SECISBP2L: variants seen among roughly 807,000 people sequenced by gnomAD.
The protein encoded by SECISBP2L is SECIS binding protein 2 like, also known as selenocysteine insertion sequence-binding protein 2-like.
Under a neutral mutation model 114.7 loss-of-function variants are expected in SECISBP2L, and 43 were observed. That is an observed-to-expected ratio of 0.38 (90% CI 0.29 to 0.48). SECISBP2L has a LOEUF of 0.48. Among genes scored for constraint, SECISBP2L ranks in the 20% least tolerant of loss-of-function variants. The pLI is 0.98. For missense variants in SECISBP2L, 1,136 were observed against 1,301.1 expected (o/e 0.87, Z 1.95); for synonymous variants, 451 against 439.7 (o/e 1.03, Z -0.32).
intron 13 of SECISBP2L, among the ~76,000 whole-genome samples, chr15:49,010,408 G>A (rs1467797975): frequency 1.3e-5 from 2 of 151,872 alleles, no homozygotes; most frequent in African/African-American, 4.8e-5. Flanking sequence ...CCTTCGTTTA[G>A]TTATTGCCTC....
At chr15:49,018,129 T>A (rs1336643422) in intron 8 of SECISBP2L, among the ~76,000 whole-genome samples, 1 of 152,204 alleles carries the variant, frequency 6.6e-6, no homozygotes, top group East Asian at 1.9e-4. Flanking sequence ...ATAGAACCAA[T>A]AGTACAGTTG....
chr15:49,040,649 C>T (rs1346006911), intron 1 of SECISBP2L, among the ~76,000 whole-genome samples: 2 of 148,554 alleles, frequency 1.3e-5, no homozygotes, highest in Non-Finnish European at 3.0e-5. Context: ...CATTCTCCTG[C>T]CTCAGCCTCC....
intron 7 of SECISBP2L, 63 bp downstream of exon 7, chr15:49,027,302 C>G: frequency 8.3e-7 from 1 of 1,210,112 alleles, no homozygotes; most frequent in Non-Finnish European, 1.2e-6. Flanking sequence ...ACCACTGTAA[C>G]TAACAAATCT....
chr15:49,004,396 G>C (rs1057202980), intron 14 of SECISBP2L, among the ~76,000 whole-genome samples: 1 of 152,032 alleles, frequency 6.6e-6, no homozygotes, highest in Non-Finnish European at 1.5e-5. Flanking sequence ...TAGATTCATT[G>C]ACTGTTTGAA....
At chr15:49,038,354 G>C (rs949949314) in intron 1 of SECISBP2L, among the ~76,000 whole-genome samples, 1 of 150,608 alleles carries the variant, frequency 6.6e-6, no homozygotes, top group African/African-American at 2.4e-5. Flanking sequence ...GTAAACTAAA[G>C]TAATCCAAGA....
intron 7 of SECISBP2L, among the ~76,000 whole-genome samples, chr15:49,024,954 A>C (rs574886349): frequency 1.3e-5 from 2 of 152,336 alleles, no homozygotes; most frequent in East Asian, 3.9e-4. Flanking sequence ...AGTTTTGAGA[A>C]AGAGATAAAA....
chr15:49,012,520 CA>C, intron 12 of SECISBP2L, 127 bp downstream of exon 12: 1 of 924,760 alleles, frequency 1.1e-6, no homozygotes. Context: ...ACATTATCGT[CA>C]AGATTCATGT....
rs771607283 is a variant in SECISBP2L, at chr15:49,016,542, T to C, written c.1561+18A>G. ...TTAGCAGAGACAAACAGCAAATTGC[T>C]CAGACTAATGATATCACCTGTATAT... On this transcript the variant is annotated intron_variant, in intron 11 of 17. Coordinates refer to ENST00000559471, the MANE Select transcript of SECISBP2L (RefSeq NM_001193489.2). The C allele has an allele frequency of 3.4e-5, 54 of 1,571,546 alleles. No homozygotes were observed. Among genetic ancestry groups the C allele is most frequent in the Non-Finnish European group, 4.4e-5 (51 of 1,163,908 alleles).
At chr15:49,034,431 T>G (rs2141083832) in intron 3 of SECISBP2L, among the ~76,000 whole-genome samples, 1 of 152,164 alleles carries the variant, frequency 6.6e-6, no homozygotes, top group Non-Finnish European at 1.5e-5. Flanking sequence ...TTTTTTTTTT[T>G]TTACTTAGTC....
intron 1 of SECISBP2L, among the ~76,000 whole-genome samples, chr15:49,043,478 C>G (rs550573761): frequency 5.7e-4 from 87 of 152,216 alleles, no homozygotes; most frequent in African/African-American, 2.0e-3. Flanking sequence ...CTGTTAACCT[C>G]AAGTGTTCTG....
rs1489479284 is a variant in SECISBP2L, at chr15:49,037,691, G to A, written c.103C>T (p.Leu35Phe). 1.2e-6 allele frequency: 2 copies of A among 1,613,810 alleles called. No individual in the cohort carries two copies. Among genetic ancestry groups the A allele is most frequent in the South Asian group, 2.2e-5 (2 of 90,996 alleles). Residue 35 changes from leucine to phenylalanine, a missense_variant, in exon 2 of 18, where the codon CTC becomes TTC. This residue lies in a region of SECISBP2L where 452 missense variants were observed against 452.3 expected (regional missense o/e 1.00). Coordinates refer to ENST00000559471, the MANE Select transcript of SECISBP2L (RefSeq NM_001193489.2). ...SPDTFMIPMA[L>F]PNDNGSVSGV... ...GAAACACTTCCATTATCATTTGGGA[G>A]AGCCATAGGGATCATAAATGTATCA...
At chr15:49,023,027 C>A (rs1488508998) in intron 7 of SECISBP2L, among the ~76,000 whole-genome samples, 10 of 146,290 alleles carry the variant, frequency 6.8e-5, no homozygotes, top group Admixed American at 1.4e-4. Flanking sequence ...TAGAAGCCAT[C>A]AAAAAAAAAA....
At chr15:49,008,947 A>G (rs1902378874) in intron 14 of SECISBP2L, among the ~76,000 whole-genome samples, 1 of 152,224 alleles carries the variant, frequency 6.6e-6, no homozygotes, top group Non-Finnish European at 1.5e-5. Flanking sequence ...AATATATAAG[A>G]TATTAAGAGT....
chr15:49,025,498 G>T (rs1322476807), intron 7 of SECISBP2L, among the ~76,000 whole-genome samples: 1 of 152,088 alleles, frequency 6.6e-6, no homozygotes, highest in African/African-American at 2.4e-5. Context: ...ATTAAACAAA[G>T]TTGTGTTAAG....
intron 11 of SECISBP2L, among the ~76,000 whole-genome samples, chr15:49,016,075 T>TA (rs1902530094): frequency 6.6e-6 from 1 of 152,196 alleles, no homozygotes; most frequent in African/African-American, 2.4e-5. Flanking sequence ...TCAGCTAAAA[T>TA]ATGGCTTTAG....
chr15:49,017,558 G>T lies in SECISBP2L; in HGVS notation c.1241C>A (p.Ser414Tyr), dbSNP rs751918625. 3 of 1,597,792 alleles carry T rather than the reference G, an allele frequency of 1.9e-6. No individual in the cohort carries two copies. The highest frequency in any genetic ancestry group is 1.3e-5 in the African/African-American group (1 of 74,348). The change falls in exon 9 of 18, where the codon TCT becomes TAT. Residue 414 changes from serine (S) to tyrosine (Y), a missense_variant. By Grantham distance (144) the Ser-to-Tyr change is moderately radical (BLOSUM62 -2). This residue lies in a region of SECISBP2L where 684 missense variants were observed against 848.7 expected (regional missense o/e 0.81). Transcript: ENST00000559471. Reference sequence around the variant, plus strand: ...TAAAGAGTTACTTACTACTTTAGAAGAAAGTTTTTGTTGAATATTCTCATC... The same window carrying T: ...TAAAGAGTTACTTACTACTTTAGAATAAAGTTTTTGTTGAATATTCTCATC... ...AKDENIQQKL[S>Y]SKVLDDLPEN...
chr15:49,019,131 C>T (rs1344953602), intron 8 of SECISBP2L, among the ~76,000 whole-genome samples: 1 of 152,112 alleles, frequency 6.6e-6, no homozygotes, highest in African/African-American at 2.4e-5. Flanking sequence ...AAGCTCCATA[C>T]TAAATAAAGT....
In SECISBP2L at chr15:48,999,763, T is replaced by C. The variant is rs1595782099; in HGVS notation, c.2403+70A>G. On this transcript the variant is annotated intron_variant, in intron 16 of 17. Coordinates refer to ENST00000559471, the MANE Select transcript of SECISBP2L (RefSeq NM_001193489.2). ...AATGCTTAAACATAACACTGGCATA[T>C]GTCAATCGAAAAATGTGCTATCTGG... 7.1e-6 allele frequency: 11 copies of C among 1,546,562 alleles called. No homozygotes were observed. The East Asian group carries it at 2.0e-4, about 29-fold the overall frequency.
chr15:49,001,229 G>T, intron 14 of SECISBP2L, 132 bp from the exon 15 acceptor site: 1 of 620,410 alleles, frequency 1.6e-6, no homozygotes, highest in Non-Finnish European at 2.7e-6. Context: ...TCTTAAAGAA[G>T]TGTTTAAAAC....
Sources: allele counts gnomAD v4.1 joint callset (sites outside exome capture counted in the v4.1 genomes callset), GRCh38; gene constraint gnomAD v4.1.1; regional missense constraint gnomAD v4.1.1; transcripts MANE v1.5; gene names NCBI Gene and HGNC (gene_info 2026-07-23, HGNC 2026-07-21).